COL5A2: variants seen among roughly 807,000 people sequenced by gnomAD.
COL5A2 encodes collagen type V alpha 2 chain, also known as collagen alpha-2(V) chain.
Under a neutral mutation model 208.2 loss-of-function variants are expected in COL5A2, and 23 were observed. The ratio of observed to expected loss-of-function variants is 0.11; its 90% CI spans 0.08 to 0.16. The LOEUF (loss-of-function observed/expected upper bound fraction) is 0.16, where lower values mean the gene tolerates loss of function less well. Among genes scored for constraint, COL5A2 ranks in the 10% least tolerant of loss-of-function variants. The pLI, the probability that COL5A2 is intolerant of heterozygous loss-of-function variation, is 1.00. For synonymous variants in COL5A2, 625 were observed against 628.5 expected (o/e 0.99, Z 0.08); for missense variants, 1,590 against 1,956.4 (o/e 0.81, Z 3.53).
At chr2:189,064,718 G>T in intron 24 of COL5A2, 63 bp from the exon 25 acceptor site, 2 of 1,166,104 alleles carry the variant, frequency 1.7e-6, no homozygotes, top group Non-Finnish European at 2.6e-6. Context: ...GCAAGCAGAA[G>T]TAAAATTATC....
intron 3 of COL5A2, among the ~76,000 whole-genome samples, chr2:189,102,695 C>A (rs1317224594): frequency 6.6e-6 from 1 of 152,046 alleles, no homozygotes; most frequent in Non-Finnish European, 1.5e-5. Context: ...ATCATCTATA[C>A]CATTTGCCTC....
At chr2:189,063,900 T>C (rs533576379) in intron 26 of COL5A2, 80 bp downstream of exon 26, 108 of 1,139,264 alleles carry the variant, frequency 9.5e-5, no homozygotes, top group Non-Finnish European at 1.4e-4. Context: ...ATCAAAAACA[T>C]TAACCTAAAT....
At chr2:189,101,433 A>G (rs1687044116) in intron 3 of COL5A2, among the ~76,000 whole-genome samples, 1 of 152,058 alleles carries the variant, frequency 6.6e-6, no homozygotes, top group African/African-American at 2.4e-5. Flanking sequence ...GTATCTAATC[A>G]ATGCCTCATT....
intron 1 of COL5A2, among the ~76,000 whole-genome samples, chr2:189,188,448 A>T (rs928820255): frequency 2.0e-5 from 3 of 152,204 alleles, no homozygotes; most frequent in East Asian, 1.9e-4. Context: ...TTACATTTTT[A>T]AAATTTATTT....
Position 189,045,832 on chromosome 2 carries a change from C to T in COL5A2, c.3277G>A (p.Ala1093Thr). The T allele has an allele frequency of 1.2e-6, 2 of 1,614,158 alleles. No homozygotes were observed. Among genetic ancestry groups the T allele is most frequent in the Non-Finnish European group, 1.7e-6 (2 of 1,180,006 alleles). ...GAPGTPGPVG[A>T]PGDAGQRGDP... ...CCTCTTTGTCCTGCATCTCCTGGAGCACCCACAGGGCCAGGAGTTCCAGGG... is the reference window on the plus strand; with the variant it reads ...CCTCTTTGTCCTGCATCTCCTGGAGTACCCACAGGGCCAGGAGTTCCAGGG... Residue 1093 changes from alanine (A) to threonine (T), a missense_variant, in exon 46 of 54, where the codon GCT (alanine) becomes ACT (threonine). Ala to Thr is a moderately conservative substitution (Grantham distance 58). Transcript: ENST00000374866.
chr2:189,044,290 A>G (rs1429327345), intron 47 of COL5A2, among the ~76,000 whole-genome samples: 3 of 152,204 alleles, frequency 2.0e-5, no homozygotes, highest in Admixed American at 2.0e-4. Context: ...TTATAATAAA[A>G]AGAAGATGAT....
chr2:189,241,615 G>A, the COL5A2 span, among the ~76,000 whole-genome samples: 1 of 152,164 alleles, frequency 6.6e-6, no homozygotes, highest in Non-Finnish European at 1.5e-5. Context: ...GAGCCCAGGA[G>A]GTTGAGGCTG....
chr2:189,263,145 A>C, the COL5A2 span, among the ~76,000 whole-genome samples: 2 of 152,098 alleles, frequency 1.3e-5, no homozygotes, highest in Non-Finnish European at 2.9e-5. Flanking sequence ...TCCAATTTCC[A>C]GCCACTTGAT....
chr2:189,186,159 T>A (rs963497607), intron 1 of COL5A2, among the ~76,000 whole-genome samples: 5 of 151,964 alleles, frequency 3.3e-5, no homozygotes, highest in African/African-American at 7.2e-5. Context: ...CACAATCAGC[T>A]ATTTTTTTTT....
At chr2:189,376,084 C>T in the COL5A2 span, among the ~76,000 whole-genome samples, 1 of 152,206 alleles carries the variant, frequency 6.6e-6, no homozygotes, top group East Asian at 1.9e-4. Context: ...AAATATGACA[C>T]CTTGTTTTAT....
intron 1 of COL5A2, among the ~76,000 whole-genome samples, chr2:189,194,241 T>C (rs970557220): frequency 6.6e-6 from 1 of 152,202 alleles, no homozygotes; most frequent in African/African-American, 2.4e-5. Flanking sequence ...AGTCCATTTC[T>C]CATCTACATT....
the COL5A2 span, among the ~76,000 whole-genome samples, chr2:189,396,540 G>C: frequency 1.3e-5 from 2 of 151,858 alleles, no homozygotes; most frequent in South Asian, 2.1e-4. Flanking sequence ...CGGGCGTGGT[G>C]GTGGGCCCCT....
At chr2:189,344,126 C>T in the COL5A2 span, among the ~76,000 whole-genome samples, 102 of 152,276 alleles carry the variant, frequency 6.7e-4, no homozygotes, top group African/African-American at 2.3e-3. Flanking sequence ...TATACACACA[C>T]ATAAACAAAG....
the COL5A2 span, among the ~76,000 whole-genome samples, chr2:189,253,212 C>A: frequency 6.6e-6 from 1 of 152,142 alleles, no homozygotes; most frequent in Admixed American, 6.5e-5. Flanking sequence ...GAGCTATTAC[C>A]AATAAGGTCA....
In COL5A2 at chr2:189,034,148, G is replaced by A; in HGVS notation, c.4422C>T (p.Ile1474=). The change falls in exon 54 of 54, where the codon ATC becomes ATT. Residue 1474 remains isoleucine, a synonymous_variant. Transcript: ENST00000374866. ...CAACATCCACAGGAGCAAGATCTAT[G>A]ATGGGCAAGCGTGCCACATTCTGTG... ...YRTQNVARLP[I]IDLAPVDVGG... is the part of the protein sequence containing the mutation. The A allele has an allele frequency of 1.2e-6, 2 of 1,613,990 alleles. No homozygotes were observed. Among genetic ancestry groups the A allele is most frequent in the Non-Finnish European group, 1.7e-6 (2 of 1,179,956 alleles).
the COL5A2 span, among the ~76,000 whole-genome samples, chr2:189,323,117 A>G: frequency 6.6e-6 from 1 of 152,236 alleles, no homozygotes; most frequent in Non-Finnish European, 1.5e-5. Flanking sequence ...AAAAAATTCA[A>G]AAGCGCTTCA....
the COL5A2 span, among the ~76,000 whole-genome samples, chr2:189,234,141 T>C: frequency 5.9e-5 from 9 of 151,742 alleles, no homozygotes; most frequent in African/African-American, 2.2e-4. Context: ...AGCATATACT[T>C]GTCAGTTTAT....
chr2:189,203,096 G>T (rs1446785424), intron 1 of COL5A2, among the ~76,000 whole-genome samples: 1 of 152,110 alleles, frequency 6.6e-6, no homozygotes, highest in Non-Finnish European at 1.5e-5. Flanking sequence ...ATTTTGGAAA[G>T]AAAAGAAAAG....
chr2:189,328,835 T>C, the COL5A2 span, among the ~76,000 whole-genome samples: 1 of 152,212 alleles, frequency 6.6e-6, no homozygotes, highest in Non-Finnish European at 1.5e-5. Context: ...TGTCACATAG[T>C]ATGTGATAAA....
Sources: allele counts gnomAD v4.1 joint callset (sites outside exome capture counted in the v4.1 genomes callset), GRCh38; gene constraint gnomAD v4.1.1; transcripts MANE v1.5; gene names NCBI Gene and HGNC (gene_info 2026-07-23, HGNC 2026-07-21).